Variants in NR2F1-AS1 observed in about 807,000 individuals in gnomAD.
NR2F1-AS1 encodes the protein NR2F1 antisense RNA 1.
intron 4 of NR2F1-AS1, among the ~76,000 whole-genome samples, chr5:93,539,300 A>C (rs970015562): frequency 2.0e-5 from 3 of 151,976 alleles, no homozygotes; most frequent in African/African-American, 7.2e-5. Flanking sequence ...ATACATTTTC[A>C]CTCCCATGTT....
intron 4 of NR2F1-AS1, among the ~76,000 whole-genome samples, chr5:93,440,658 C>T (rs1561437912): frequency 6.6e-6 from 1 of 152,108 alleles, no homozygotes; most frequent in Admixed American, 6.6e-5. Context: ...CTCACTCACT[C>T]ACTCACTCTG....
intron 4 of NR2F1-AS1, among the ~76,000 whole-genome samples, chr5:93,453,280 A>G (rs1749876366): frequency 6.6e-6 from 1 of 152,130 alleles, no homozygotes; most frequent in Admixed American, 6.6e-5. Context: ...ACAAGTAGAA[A>G]AAGACCCCCC....
intron 4 of NR2F1-AS1, among the ~76,000 whole-genome samples, chr5:93,481,985 C>T (rs920219503): frequency 1.3e-5 from 2 of 151,624 alleles, no homozygotes; most frequent in Non-Finnish European, 2.9e-5. Flanking sequence ...TAATTTTACA[C>T]CTTAAGAAAC....
chr5:93,568,420 GAAGTAT>G (rs1174018652), intron 1 of NR2F1-AS1, among the ~76,000 whole-genome samples: 1 of 152,124 alleles, frequency 6.6e-6, no homozygotes, highest in African/African-American at 2.4e-5. Context: ...ATTCTAAGTA[GAAGTAT>G]ATTTCCTTGA....
intron 4 of NR2F1-AS1, among the ~76,000 whole-genome samples, chr5:93,469,680 A>T (rs898098092): frequency 6.6e-6 from 1 of 152,072 alleles, no homozygotes; most frequent in Non-Finnish European, 1.5e-5. Context: ...CAAGAAATAC[A>T]TGTTGAATCA....
chr5:93,442,061 G>A (rs1580226663), intron 4 of NR2F1-AS1, among the ~76,000 whole-genome samples: 1 of 152,184 alleles, frequency 6.6e-6, no homozygotes, highest in Non-Finnish European at 1.5e-5. Flanking sequence ...TATAGAAAAT[G>A]CTTGCTAGCT....
At position 93,482,376 on chromosome 5, in the gene NR2F1-AS1, A is replaced by G. The variant is rs547061542; in HGVS notation, n.638+71385T>C. Among the ~76,000 whole-genome samples the G allele has an allele frequency of 7.9e-5, 12 of 152,206 alleles. No homozygotes were observed. In the East Asian group the frequency reaches 2.3e-3, roughly 30 times the overall value. ...GTGAACTCCCTCCCCTAGCCAAGGG[A>G]AGCTGTGAGGGACTGTGCCATGAGG... On this transcript the variant is annotated intron_variant and non_coding_transcript_variant, in intron 4 of 5. Coordinates refer to ENST00000660523, the Ensembl canonical transcript of NR2F1-AS1.
intron 4 of NR2F1-AS1, among the ~76,000 whole-genome samples, chr5:93,464,281 GT>G (rs1459505743): frequency 2.6e-5 from 4 of 152,128 alleles, no homozygotes; most frequent in African/African-American, 7.2e-5. Flanking sequence ...CATGTGAGAT[GT>G]GCCTTTTACC....
At chr5:93,478,190 T>C (rs1750526634) in intron 4 of NR2F1-AS1, among the ~76,000 whole-genome samples, 1 of 152,098 alleles carries the variant, frequency 6.6e-6, no homozygotes, top group Admixed American at 6.5e-5. Context: ...GGGGAGTAAG[T>C]AGAAAGACAT....
chr5:93,507,950 A>T (rs1751220946), intron 4 of NR2F1-AS1, among the ~76,000 whole-genome samples: 1 of 152,184 alleles, frequency 6.6e-6, no homozygotes, highest in South Asian at 2.1e-4. Flanking sequence ...AAATTCTAAA[A>T]CTTTAACATC....
intron 4 of NR2F1-AS1, among the ~76,000 whole-genome samples, chr5:93,549,871 A>G (rs1287400988): frequency 1.3e-5 from 2 of 152,074 alleles, no homozygotes; most frequent in African/African-American, 4.8e-5. Flanking sequence ...GGAACAGAAA[A>G]CCAAACACTG....
At chr5:93,567,568 A>G (rs1157116357) in intron 1 of NR2F1-AS1, among the ~76,000 whole-genome samples, 2 of 152,208 alleles carry the variant, frequency 1.3e-5, no homozygotes, top group African/African-American at 2.4e-5. Flanking sequence ...CTGCCTAAAG[A>G]GAAATCAATG....
intron 4 of NR2F1-AS1, chr5:93,409,709 G>A (rs1292657590): frequency 6.6e-6 from 1 of 152,126 alleles, no homozygotes; most frequent in Non-Finnish European, 1.5e-5. Flanking sequence ...CCTTACTGAG[G>A]AGCAAATAAT....
intron 1 of NR2F1-AS1, among the ~76,000 whole-genome samples, chr5:93,572,921 G>A (rs1308533980): frequency 2.0e-5 from 3 of 152,218 alleles, no homozygotes; most frequent in Admixed American, 2.0e-4. Context: ...TCCGCTTCCC[G>A]CGACTGCCGG....
rs146852864 is a variant in NR2F1-AS1 at position 93,435,919 on chromosome 5, CCTT to C, written n.639-40380_639-40378del. Among the ~76,000 whole-genome samples, 1,151 of 152,292 alleles carry C rather than the reference CCTT, an allele frequency of 7.6e-3. 9 individuals carry two copies. Among genetic ancestry groups the C allele is most frequent in the Non-Finnish European group, 0.012 (830 of 68,032 alleles). On this transcript the variant is annotated intron_variant and non_coding_transcript_variant, in intron 4 of 5. Transcript: ENST00000660523. ...AAGTGCCTACTGGTACACACACAGTCCTTCTGGGTCATGAAAACAAAGTAGATG... is the reference window on the plus strand; with the variant it reads ...AAGTGCCTACTGGTACACACACAGTCCTGGGTCATGAAAACAAAGTAGATG...
At chr5:93,577,527 T>G (rs928168455) in intron 1 of NR2F1-AS1, among the ~76,000 whole-genome samples, 6 of 152,196 alleles carry the variant, frequency 3.9e-5, no homozygotes, top group African/African-American at 1.4e-4. Context: ...GGGGTAAAGA[T>G]TTCTGAGATA....
chr5:93,487,561 G>A (rs1392647368), intron 4 of NR2F1-AS1, among the ~76,000 whole-genome samples: 1 of 152,158 alleles, frequency 6.6e-6, no homozygotes, highest in Non-Finnish European at 1.5e-5. Context: ...TCTTCAAGGA[G>A]AACTACAAAC....
At chr5:93,477,931 G>A (rs550809579) in intron 4 of NR2F1-AS1, among the ~76,000 whole-genome samples, 3 of 152,316 alleles carry the variant, frequency 2.0e-5, no homozygotes, top group Admixed American at 1.3e-4. Context: ...AAAATGCAGT[G>A]CTATGTATTA....
intron 2 of NR2F1-AS1, among the ~76,000 whole-genome samples, chr5:93,562,240 A>G (rs1752509487): frequency 6.6e-6 from 1 of 151,606 alleles, no homozygotes; most frequent in African/African-American, 2.4e-5. Context: ...AGATAAAGTT[A>G]GCAAATGCCA....
Sources: allele counts gnomAD v4.1 joint callset (sites outside exome capture counted in the v4.1 genomes callset), GRCh38; gene constraint gnomAD v4.1.1; transcripts MANE v1.5; gene names NCBI Gene and HGNC (gene_info 2026-07-23, HGNC 2026-07-21).